Variants in SPP2 observed in about 807,000 individuals in gnomAD.
SPP2 encodes secreted phosphoprotein 2, also known as secreted phosphoprotein 24.
A neutral mutation model predicts 28.8 loss-of-function variants in SPP2; 34 were observed. The observed-to-expected ratio is 1.18, with a 90% CI of 0.90 to 1.57. The LOEUF (loss-of-function observed/expected upper bound fraction) is 1.57. Among genes scored for constraint, SPP2 ranks in the 40% most tolerant of loss-of-function variants. SPP2 has a pLI of 0.00. For synonymous variants in SPP2, 96 were observed against 89.4 expected, an observed-to-expected ratio of 1.07 and a Z score of -0.42; for missense variants, 269 against 263.9, an observed-to-expected ratio of 1.02 and a Z score of -0.13.
At chr2:234,060,602 C>G in intron 4 of SPP2, 123 bp downstream of exon 4, 1 of 713,174 alleles carries the variant, frequency 1.4e-6, no homozygotes, top group South Asian at 1.6e-5. Context: ...CCGAACTCTG[C>G]TGACACAGTG....
chr2:234,059,051 C>A, intron 3 of SPP2, 93 bp downstream of exon 3: 1 of 1,474,702 alleles, frequency 6.8e-7, no homozygotes, highest in Non-Finnish European at 9.1e-7. Flanking sequence ...TGGTCGCTGC[C>A]TGGCTAGCAT....
Position 234,050,879 on chromosome 2 carries a change from A to G in SPP2, c.85+8A>G, listed in dbSNP as rs765051290. On this transcript the variant is annotated splice_region_variant and intron_variant, in intron 1 of 7. Transcript: ENST00000168148. ...ACTACTGGTCTTGCTCAGGTAAGGT[A>G]TTCACCAACCTGGCCACCTGCTCTG... is the stretch of plus-strand genomic sequence containing the variant. 6.2e-7 allele frequency: 1 copy of G among 1,614,048 alleles called. No homozygotes were observed. The highest frequency in any genetic ancestry group is 8.5e-7 in the Non-Finnish European group (1 of 1,179,938).
chr2:234,060,274 G>A lies in SPP2; in HGVS notation c.334-95G>A, dbSNP rs28904001. 2.8e-3 allele frequency: 2,368 copies of A among 846,526 alleles called. 28 individuals are homozygous for A. In the African/African-American group the frequency reaches 0.032, roughly 12 times the overall value. 52.4% of individuals were successfully genotyped at this position (846,526 alleles called of 1,614,324 possible). On this transcript the variant is annotated intron_variant, in intron 3 of 7. Coordinates refer to ENST00000168148, the MANE Select transcript of SPP2 (RefSeq NM_006944.3). ...CTGTGAAGTTTTTCTTTGTCATTTC[G>A]TCAAACCTGACATTTATTTTCCTGA...
chr2:234,054,187 C>A (rs2267904), intron 2 of SPP2, among the ~76,000 whole-genome samples: 51,873 of 151,952 alleles, frequency 0.34, 9,153 homozygotes, highest in South Asian at 0.5. Flanking sequence ...TGGGAGGGTC[C>A]TGAAGGACGA....
rs927253339 is a variant in SPP2, at chr2:234,067,353, T to A, written c.550+79T>A. 2.3e-6 allele frequency: 3 copies of A among 1,288,878 alleles called. No homozygotes were observed. The African/African-American group carries it at 4.5e-5, about 19-fold the overall frequency. The allele number at this position is 1,288,878 out of a possible 1,614,324, so 79.8% of individuals were successfully genotyped here. ...CTCCTGAGAAATCCTATTTCATAGC[T>A]GTTTCCTGTTTCATAGGAGTTAAAT... On this transcript the variant is annotated intron_variant, in intron 6 of 7. Transcript: ENST00000168148.
At chr2:234,069,540 C>T (rs1047604943) in intron 6 of SPP2, among the ~76,000 whole-genome samples, 9 of 152,114 alleles carry the variant, frequency 5.9e-5, no homozygotes, top group East Asian at 1.9e-4. Flanking sequence ...CACAGAAGTG[C>T]GGCTGTCTTG....
rs144215230 is a variant in SPP2 at position 234,064,510 on chromosome 2, A to G, written c.445-2023A>G. Among the ~76,000 whole-genome samples, 146 of 152,182 alleles carry G rather than the reference A, an allele frequency of 9.6e-4. 2 individuals carry two copies. In the East Asian group the frequency reaches 0.026, roughly 28 times the overall value. On this transcript the variant is annotated intron_variant, in intron 4 of 7. Coordinates refer to ENST00000168148, the MANE Select transcript of SPP2 (RefSeq NM_006944.3). ...ATTATTAATTTATTTTAAATTTTATATATTTACTTGTGTACAATGTGATGT... is the reference window on the plus strand; with the variant it reads ...ATTATTAATTTATTTTAAATTTTATGTATTTACTTGTGTACAATGTGATGT...
chr2:234,072,330 A>G (rs1043421982), intron 7 of SPP2, among the ~76,000 whole-genome samples: 2 of 152,200 alleles, frequency 1.3e-5, no homozygotes, highest in African/African-American at 4.8e-5. Flanking sequence ...ACTGAGATCA[A>G]GAATCTACTC....
In SPP2 at chr2:234,065,125, G is replaced by A. The variant is rs555539126; in HGVS notation, c.445-1408G>A. Among the ~76,000 whole-genome samples, 32 of 152,232 alleles carry A rather than the reference G, an allele frequency of 2.1e-4. No homozygotes were observed. In the South Asian group the frequency reaches 6.2e-3, roughly 30 times the overall value. Reference sequence around the variant, plus strand: ...AGTGACTTTATGTTTAACTTTTTGAGGAACTGCCACATTATTTCCATAGCA... The same window carrying A: ...AGTGACTTTATGTTTAACTTTTTGAAGAACTGCCACATTATTTCCATAGCA... On this transcript the variant is annotated intron_variant, in intron 4 of 7. Coordinates refer to ENST00000168148, the MANE Select transcript of SPP2 (RefSeq NM_006944.3).
rs1167352947 is a variant in SPP2 at position 234,058,900 on chromosome 2, G to A, written c.275G>A (p.Cys92Tyr). 6.2e-7 allele frequency: 1 copy of A among 1,614,094 alleles called. No individual in the cohort carries two copies. The highest frequency in any genetic ancestry group is 1.7e-5 in the Admixed American group (1 of 60,014). The change falls in exon 3 of 8, where the codon TGC (cysteine) becomes TAC (tyrosine). Residue 92 changes from cysteine (C) to tyrosine (Y), a missense_variant. Cys to Tyr is a radical substitution (Grantham distance 194). Coordinates refer to ENST00000168148, the MANE Select transcript of SPP2 (RefSeq NM_006944.3). ...GAGTTCAGCATCCGGGAGACTACAT[G>A]CAGGAAGGATTCTGGAGAAGATCCC... ...NLEFSIRETT[C>Y]RKDSGEDPAT...
chr2:234,060,142 G>A (rs10803669), intron 3 of SPP2, among the ~76,000 whole-genome samples: 226 of 152,092 alleles, frequency 1.5e-3, no homozygotes, highest in Middle Eastern at 3.4e-3. Flanking sequence ...AAATGTTTGC[G>A]TTTCCTAGAG....
intron 4 of SPP2, among the ~76,000 whole-genome samples, chr2:234,063,319 G>T (rs1211225777): frequency 6.6e-6 from 1 of 151,950 alleles, no homozygotes; most frequent in African/African-American, 2.4e-5. Flanking sequence ...AACATATAGA[G>T]AATGTAGAAG....
At chr2:234,053,050 A>G (rs1693531390) in intron 2 of SPP2, among the ~76,000 whole-genome samples, 1 of 152,218 alleles carries the variant, frequency 6.6e-6, no homozygotes, top group Non-Finnish European at 1.5e-5. Context: ...CAATTCACGA[A>G]AGAGGAAATA....
intron 7 of SPP2, among the ~76,000 whole-genome samples, chr2:234,073,274 C>A (rs561970176): frequency 6.6e-6 from 1 of 152,166 alleles, no homozygotes; most frequent in African/African-American, 2.4e-5. Context: ...TATGTCTATA[C>A]AAAATTATTA....
rs369739665 is a variant in SPP2 at position 234,060,352 on chromosome 2, C to G, written c.334-17C>G. On this transcript the variant is annotated splice_polypyrimidine_tract_variant and intron_variant, in intron 3 of 7. Coordinates refer to ENST00000168148, the MANE Select transcript of SPP2 (RefSeq NM_006944.3). ...ACAAACAGCTGAAGAGAGAACTCAC[C>G]CCTTTGTCTTTTCCAGTCCACAGCT... is the stretch of plus-strand genomic sequence containing the variant. 1 of 1,590,332 alleles carries G rather than the reference C, an allele frequency of 6.3e-7. No homozygotes were observed. Among genetic ancestry groups the G allele is most frequent in the African/African-American group, 1.3e-5 (1 of 74,326 alleles).
At chr2:234,068,016 G>A (rs892732113) in intron 6 of SPP2, among the ~76,000 whole-genome samples, 3 of 152,030 alleles carry the variant, frequency 2.0e-5, no homozygotes, top group East Asian at 1.9e-4. Flanking sequence ...CATACAATGT[G>A]TCTAATGATC....
chr2:234,069,849 A>T, intron 6 of SPP2, 79 bp from the exon 7 acceptor site: 1 of 1,142,824 alleles, frequency 8.8e-7, no homozygotes, highest in Non-Finnish European at 1.3e-6. Flanking sequence ...CCTCCTCATT[A>T]ATTTGTAGTA....
At chr2:234,051,663 C>T (rs140048606) in intron 2 of SPP2, among the ~76,000 whole-genome samples, 2 of 152,310 alleles carry the variant, frequency 1.3e-5, no homozygotes, top group Non-Finnish European at 2.9e-5. Flanking sequence ...CAAGTCATCT[C>T]CCTTCTTCCT....
intron 3 of SPP2, among the ~76,000 whole-genome samples, chr2:234,059,836 T>C (rs759265789): frequency 1.2e-4 from 19 of 152,204 alleles, no homozygotes; most frequent in Non-Finnish European, 1.6e-4. Flanking sequence ...AATAATCCCA[T>C]CTGAAAAGGG....
Sources: gnomAD v4.1 joint callset for allele counts (sites outside exome capture counted in the v4.1 genomes callset) on GRCh38, gnomAD v4.1.1 for gene constraint, MANE v1.5 for transcripts, NCBI Gene and HGNC (gene_info 2026-07-23, HGNC 2026-07-21) for gene names.